PCSK6: variants seen among roughly 807,000 people sequenced by gnomAD.
The protein encoded by PCSK6 is proprotein convertase subtilisin/kexin type 6, also known as paired basic amino acid cleaving enzyme 4.
A neutral mutation model predicts 123.3 loss-of-function variants in PCSK6; 85 were observed. The ratio of observed to expected loss-of-function variants is 0.69; its 90% CI spans 0.58 to 0.83. The LOEUF (loss-of-function observed/expected upper bound fraction) is 0.83, where lower values mean the gene tolerates loss of function less well. Ranked by LOEUF, PCSK6 falls within the 40% of genes least tolerant of loss-of-function variation. PCSK6 has a pLI of 0.00. For synonymous variants in PCSK6, 508 were observed against 516.0 expected (o/e 0.98, Z 0.21); for missense variants, 1,191 against 1,282.3 (o/e 0.93, Z 1.09).
chr15:101,322,825 C>T (rs896246613), intron 17 of PCSK6, among the ~76,000 whole-genome samples: 2 of 152,226 alleles, frequency 1.3e-5, no homozygotes, highest in South Asian at 2.1e-4. Context: ...AAACGGTCCT[C>T]AGACAACCAC....
intron 13 of PCSK6, among the ~76,000 whole-genome samples, chr15:101,350,016 C>A (rs977117759): frequency 6.6e-6 from 1 of 152,108 alleles, no homozygotes; most frequent in Non-Finnish European, 1.5e-5. Context: ...TCAAGCAATT[C>A]TCCTGCCTCA....
At chr15:101,329,987 CCA>C (rs1215820816) in intron 15 of PCSK6, among the ~76,000 whole-genome samples, 1 of 152,206 alleles carries the variant, frequency 6.6e-6, no homozygotes, top group Non-Finnish European at 1.5e-5. Flanking sequence ...CTGCTGAATC[CCA>C]GTCTCTGGGC....
At chr15:101,446,100 C>T (rs913386812) in intron 1 of PCSK6, among the ~76,000 whole-genome samples, 11 of 152,376 alleles carry the variant, frequency 7.2e-5, no homozygotes, top group South Asian at 2.1e-4. Context: ...GAGGCAGCAG[C>T]GGCCAGAACT....
At chr15:101,344,844 C>T (rs1305922803) in intron 13 of PCSK6, among the ~76,000 whole-genome samples, 4 of 152,080 alleles carry the variant, frequency 2.6e-5, no homozygotes, top group East Asian at 1.9e-4. Flanking sequence ...TTAGTAGAGA[C>T]GAGGTTTCAC....
intron 1 of PCSK6, among the ~76,000 whole-genome samples, chr15:101,459,150 C>T (rs1260357854): frequency 6.6e-6 from 1 of 152,148 alleles, no homozygotes; most frequent in Non-Finnish European, 1.5e-5. Context: ...CTATTATATA[C>T]AAACATCTAT....
At chr15:101,470,974 C>G (rs889794858) in intron 1 of PCSK6, among the ~76,000 whole-genome samples, 16 of 152,240 alleles carry the variant, frequency 1.1e-4, no homozygotes, top group Non-Finnish European at 1.6e-4. Context: ...AGCAGGCAAG[C>G]AACCCAGCCT....
At chr15:101,325,938 A>G (rs2040242258) in intron 16 of PCSK6, among the ~76,000 whole-genome samples, 1 of 152,194 alleles carries the variant, frequency 6.6e-6, no homozygotes, top group African/African-American at 2.4e-5. Flanking sequence ...TGAAAGCCCC[A>G]CACCCAGCCA....
At chr15:101,382,045 C>T in intron 11 of PCSK6, 47 bp downstream of exon 11, 1 of 1,364,412 alleles carries the variant, frequency 7.3e-7, no homozygotes, top group Non-Finnish European at 1.0e-6. Flanking sequence ...GAGTCAGCTC[C>T]AAACCCACGT....
intron 13 of PCSK6, chr15:101,365,640 A>C (rs1481343726): frequency 6.5e-6 from 1 of 153,160 alleles, no homozygotes; most frequent in Non-Finnish European, 1.5e-5. Context: ...GTAACAGCTA[A>C]AAGGTAGAAA....
At chr15:101,387,333 G>A (rs1189057600) in intron 9 of PCSK6, among the ~76,000 whole-genome samples, 1 of 152,168 alleles carries the variant, frequency 6.6e-6, no homozygotes, top group East Asian at 1.9e-4. Context: ...ACCCCATGCT[G>A]CCCGTGCAAC....
intron 7 of PCSK6, among the ~76,000 whole-genome samples, chr15:101,397,961 C>T (rs547090895): frequency 1.4e-4 from 21 of 152,334 alleles, no homozygotes; most frequent in Middle Eastern, 6.8e-3. Context: ...CCTGCTGCAG[C>T]GGGGCCTGGG....
intron 13 of PCSK6, chr15:101,346,935 G>T (rs537270290): frequency 2.7e-4 from 333 of 1,231,572 alleles, no homozygotes; most frequent in Non-Finnish European, 3.3e-4. Flanking sequence ...AACGAGGAGA[G>T]TTTTGGGGAA....
intron 6 of PCSK6, among the ~76,000 whole-genome samples, chr15:101,402,827 T>C (rs1461924502): frequency 6.6e-6 from 1 of 152,160 alleles, no homozygotes; most frequent in East Asian, 1.9e-4. Flanking sequence ...TTGGTGGGAC[T>C]GTAAACTAGT....
Position 101,313,581 on chromosome 15 carries a change from TTG to T in PCSK6, c.2570-78_2570-77del, listed in dbSNP as rs1422911780. On this transcript the variant is annotated intron_variant, in intron 19 of 21. Coordinates refer to ENST00000611716, the MANE Select transcript of PCSK6 (RefSeq NM_002570.5). ...CATGCCCCAGGCCTGCTTCAGGGCC[TTG>T]TGAGATCAGGGGTACCATTCAGGAG... The T allele has an allele frequency of 2.7e-5, 41 of 1,525,962 alleles. 1 individual carries two copies. In the South Asian group the frequency reaches 4.9e-4, roughly 18 times the overall value. 94.5% of individuals were successfully genotyped at this position (1,525,962 alleles called of 1,614,324 possible).
In PCSK6 at chr15:101,393,381, T is replaced by C. The variant is rs1204038215; in HGVS notation, c.1040A>G (p.Asn347Ser). 1 of 1,604,660 alleles carries C rather than the reference T, an allele frequency of 6.2e-7. No homozygotes were observed. Among genetic ancestry groups the C allele is most frequent in the Non-Finnish European group, 8.5e-7 (1 of 1,175,710 alleles). The change falls in exon 8 of 22, where the codon AAT (asparagine) becomes AGT (serine). Residue 347 changes from asparagine to serine, a missense_variant. Asn to Ser is a conservative substitution (Grantham distance 46, BLOSUM62 1). Coordinates refer to ENST00000611716, the MANE Select transcript of PCSK6 (RefSeq NM_002570.5). ...GCAGTAGTCCCCCTCTCTCCCGCCA[T>C]TCCCAGATGCCCAGACGAAAATGGA... ...LGSIFVWASG[N>S]GGREGDYCSC... is the part of the protein sequence containing the mutation.
chr15:101,359,354 G>T (rs1371636958), intron 13 of PCSK6, among the ~76,000 whole-genome samples: 1 of 152,238 alleles, frequency 6.6e-6, no homozygotes, highest in East Asian at 1.9e-4. Context: ...CCACGCTGAG[G>T]GGTGGAGATC....
intron 19 of PCSK6, among the ~76,000 whole-genome samples, chr15:101,316,910 G>T (rs1190536728): frequency 1.5e-3 from 167 of 114,860 alleles, no homozygotes; most frequent in African/African-American, 3.3e-3. Flanking sequence ...ACTTAATTCT[G>T]TTTTTTTTTT....
At chr15:101,365,541 C>T (rs1248754532) in intron 13 of PCSK6, among the ~76,000 whole-genome samples, 2 of 152,150 alleles carry the variant, frequency 1.3e-5, no homozygotes, top group Admixed American at 6.5e-5. Flanking sequence ...TATGACCTGA[C>T]AATTCCAATC....
At chr15:101,440,954 T>A (rs1167027272) in intron 2 of PCSK6, among the ~76,000 whole-genome samples, 1 of 152,206 alleles carries the variant, frequency 6.6e-6, no homozygotes, top group Non-Finnish European at 1.5e-5. Context: ...TCGGTTCAGA[T>A]GTCTGTGTGC....
Sources: gnomAD v4.1 joint callset for allele counts (sites outside exome capture counted in the v4.1 genomes callset) on GRCh38, gnomAD v4.1.1 for gene constraint, MANE v1.5 for transcripts, NCBI Gene and HGNC (gene_info 2026-07-23, HGNC 2026-07-21) for gene names.